PRMT9: variants seen among roughly 807,000 people sequenced by gnomAD.
The protein encoded by PRMT9 is protein arginine N-methyltransferase 9.
PRMT9 carries 59 observed loss-of-function variants against 83.2 expected under a neutral mutation model. That is an observed-to-expected ratio of 0.71 (90% CI 0.57 to 0.88). PRMT9 has a LOEUF of 0.88. Ranked by LOEUF, PRMT9 falls within the 40% of genes least tolerant of loss-of-function variation. The pLI is 0.00. For missense variants in PRMT9, 947 were observed against 1,021.9 expected (o/e 0.93, Z 1.00); for synonymous variants, 333 against 353.2 (o/e 0.94, Z 0.64).
At chr4:147,648,023 C>T (rs971758327) in intron 9 of PRMT9, among the ~76,000 whole-genome samples, 7 of 152,004 alleles carry the variant, frequency 4.6e-5, no homozygotes, top group South Asian at 2.1e-4. Context: ...CAGGAATAGC[C>T]GAATATAAAG....
intron 5 of PRMT9, among the ~76,000 whole-genome samples, chr4:147,669,916 G>A (rs1056585946): frequency 6.6e-5 from 10 of 152,132 alleles, no homozygotes; most frequent in Non-Finnish European, 1.3e-4. Flanking sequence ...GGGTTCAACA[G>A]GTACCTGAAA....
At chr4:147,670,947 G>A (rs1456743089) in intron 4 of PRMT9, among the ~76,000 whole-genome samples, 1 of 152,024 alleles carries the variant, frequency 6.6e-6, no homozygotes, top group African/African-American at 2.4e-5. Flanking sequence ...TTCTCCACTG[G>A]CTCCTTCTCC....
intron 6 of PRMT9, among the ~76,000 whole-genome samples, chr4:147,664,871 T>G (rs1735216549): frequency 6.6e-6 from 1 of 151,862 alleles, no homozygotes; most frequent in African/African-American, 2.4e-5. Context: ...TCCCAGCACT[T>G]GGGGAGGCCG....
chr4:147,667,734 GA>G (rs201422697), intron 6 of PRMT9, among the ~76,000 whole-genome samples: 1,709 of 152,136 alleles, frequency 0.011, 34 homozygotes, highest in African/African-American at 0.039. Flanking sequence ...AAGAAGCTTA[GA>G]AAGATCCTAA....
Position 147,642,716 on chromosome 4 carries a change from A to G in PRMT9, c.2199+71T>C, listed in dbSNP as rs529440966. ...GTCACTGTGTTTAGCTAGATTAAAC[A>G]GTGACTAAAGAGAGAGCGATGGTAG... On this transcript the variant is annotated intron_variant, in intron 10 of 11. Transcript: ENST00000322396. 141 of 1,309,172 alleles carry G rather than the reference A, an allele frequency of 1.1e-4. No individual in the cohort carries two copies. The African/African-American group carries it at 1.9e-3, about 18-fold the overall frequency. The allele number at this position is 1,309,172 out of a possible 1,614,324, so 81.1% of individuals were successfully genotyped here.
chr4:147,653,260 C>A (rs1334607616), intron 9 of PRMT9, among the ~76,000 whole-genome samples: 1 of 151,962 alleles, frequency 6.6e-6, no homozygotes, highest in African/African-American at 2.4e-5. Context: ...ACCAGCCTGA[C>A]CAACATGGTG....
intron 6 of PRMT9, among the ~76,000 whole-genome samples, chr4:147,661,637 A>T (rs896872543): frequency 2.0e-5 from 3 of 151,932 alleles, no homozygotes; most frequent in Non-Finnish European, 4.4e-5. Flanking sequence ...AAAAATACAA[A>T]AGATTAGCCG....
chr4:147,640,343 G>C (rs1733314536), intron 10 of PRMT9, among the ~76,000 whole-genome samples: 1 of 151,906 alleles, frequency 6.6e-6, no homozygotes, highest in Non-Finnish European at 1.5e-5. Context: ...AAAGGGCTAG[G>C]ATTATAGGCA....
chr4:147,671,556 G>C (rs1397362266), intron 4 of PRMT9, among the ~76,000 whole-genome samples: 1 of 152,198 alleles, frequency 6.6e-6, no homozygotes, highest in Non-Finnish European at 1.5e-5. Flanking sequence ...TAAGTTCCTT[G>C]AGGGTAAGAA....
At chr4:147,656,072 A>T (rs1426207183) in intron 8 of PRMT9, among the ~76,000 whole-genome samples, 1 of 152,192 alleles carries the variant, frequency 6.6e-6, no homozygotes, top group Non-Finnish European at 1.5e-5. Context: ...GATACAACAA[A>T]AGCTCTGAGA....
chr4:147,639,701 CTG>C (rs1733252324), intron 10 of PRMT9, among the ~76,000 whole-genome samples: 2 of 152,262 alleles, frequency 1.3e-5, no homozygotes, highest in East Asian at 3.9e-4. Context: ...TTAGTAGCAA[CTG>C]AATGCTACTA....
intron 6 of PRMT9, 51 bp downstream of exon 6, chr4:147,668,488 C>T: frequency 2.8e-6 from 3 of 1,082,874 alleles, no homozygotes; most frequent in Non-Finnish European, 4.2e-6. Context: ...ATAAATTACC[C>T]AATCTTGGGA....
At chr4:147,680,097 G>A (rs1268409330) in intron 2 of PRMT9, among the ~76,000 whole-genome samples, 1 of 152,160 alleles carries the variant, frequency 6.6e-6, no homozygotes, top group Admixed American at 6.5e-5. Flanking sequence ...CCAGTGAGGG[G>A]AACTCTTCCT....
intron 2 of PRMT9, among the ~76,000 whole-genome samples, chr4:147,677,129 T>C (rs1047160775): frequency 1.3e-5 from 2 of 151,968 alleles, no homozygotes; most frequent in African/African-American, 2.4e-5. Context: ...AAAGGGATCT[T>C]TCTATATAAA....
At chr4:147,657,629 TA>T (rs1331475436) in intron 8 of PRMT9, among the ~76,000 whole-genome samples, 162 bp downstream of exon 8, 2 of 151,992 alleles carry the variant, frequency 1.3e-5, no homozygotes, top group African/African-American at 2.4e-5. Flanking sequence ...CCACAAATAT[TA>T]CCTATTTCAA....
intron 9 of PRMT9, among the ~76,000 whole-genome samples, chr4:147,648,322 G>A (rs1483726381): frequency 6.6e-6 from 1 of 152,180 alleles, no homozygotes; most frequent in Admixed American, 6.5e-5. Context: ...AGCCAATGAT[G>A]TAATCAGTCA....
At position 147,654,541 on chromosome 4, in the gene PRMT9, A is replaced by G; in HGVS notation, c.1356T>C (p.His452=). Reference sequence around the variant, plus strand: ...CTTGACAAGATACTTCCATCATCACATGGTCTCCAGGCTTTATCCAGTAGT... The same window carrying G: ...CTTGACAAGATACTTCCATCATCACGTGGTCTCCAGGCTTTATCCAGTAGT... ...LADYWIKPGD[H]VMMEVSCQDC... is the part of the protein sequence containing the mutation. The change falls in exon 9 of 12, where the codon CAT becomes CAC. Residue 452 remains histidine, a synonymous_variant. Coordinates refer to ENST00000322396, the MANE Select transcript of PRMT9 (RefSeq NM_138364.4). The G allele has an allele frequency of 6.2e-7, 1 of 1,612,806 alleles. No individual in the cohort carries two copies. The highest frequency in any genetic ancestry group is 1.1e-5 in the South Asian group (1 of 91,064).
intron 2 of PRMT9, among the ~76,000 whole-genome samples, chr4:147,679,418 C>T (rs1736309028): frequency 6.6e-6 from 1 of 151,824 alleles, no homozygotes; most frequent in Admixed American, 6.6e-5. Context: ...TGCACTCCAA[C>T]CTGAGCGACA....
intron 10 of PRMT9, chr4:147,639,374 G>A: frequency 3.2e-6 from 1 of 314,934 alleles, no homozygotes; most frequent in Non-Finnish European, 6.0e-6. Context: ...TTGGATGAGA[G>A]CAGATTAAAT....
Sources: allele counts gnomAD v4.1 joint callset (sites outside exome capture counted in the v4.1 genomes callset), GRCh38; gene constraint gnomAD v4.1.1; transcripts MANE v1.5; gene names NCBI Gene and HGNC (gene_info 2026-07-23, HGNC 2026-07-21).